The following MTA2 variants were observed in gnomAD, a reference collection of about 807,000 sequenced individuals.
MTA2 encodes metastasis associated 1 family member 2, also known as metastasis-associated protein MTA2.
A neutral mutation model predicts 87.1 loss-of-function variants in MTA2; 22 were observed. That is an observed-to-expected ratio of 0.25 (90% CI 0.18 to 0.36). The LOEUF is 0.36. MTA2 is among the 10% of genes least tolerant of loss of function. The pLI is 1.00. For synonymous variants in MTA2, 314 were observed against 310.1 expected, an observed-to-expected ratio of 1.01 and a Z score of -0.13; for missense variants, 542 against 853.2, an observed-to-expected ratio of 0.64 and a Z score of 4.54.
chr11:62,593,795 G>C lies in MTA2; in HGVS notation c.*80C>G, dbSNP rs552253808. On this transcript the variant is annotated 3_prime_UTR_variant, in exon 18 of 18. Coordinates refer to ENST00000278823, the MANE Select transcript of MTA2 (RefSeq NM_004739.4). ...CCTTAATTCACTCCTCACTCCCTTC[G>C]ACACGAAAGGGAAGGGAGGTTTGGG... The C allele has an allele frequency of 2.8e-5, 44 of 1,548,422 alleles. No homozygotes were observed. Among genetic ancestry groups the C allele is most frequent in the Admixed American group, 8.9e-5 (5 of 56,062 alleles).
chr11:62,594,920 G>T, intron 15 of MTA2, 61 bp downstream of exon 15: 1 of 1,428,096 alleles, frequency 7.0e-7, no homozygotes, highest in Non-Finnish European at 9.8e-7. Context: ...CAAGGGGAGA[G>T]ATGTCAGACA....
chr11:62,597,849 TC>T, intron 6 of MTA2, 137 bp from the exon 7 acceptor site: 1 of 1,008,850 alleles, frequency 9.9e-7, no homozygotes, highest in Non-Finnish European at 1.5e-6. Flanking sequence ...TCCCAACTGT[TC>T]CCATTTTCCC....
Position 62,594,544 on chromosome 11 carries a change from C to G in MTA2, c.1664G>C (p.Gly555Ala). 1 of 1,614,014 alleles carries G rather than the reference C, an allele frequency of 6.2e-7. No homozygotes were observed. The highest frequency in any genetic ancestry group is 8.5e-7 in the Non-Finnish European group (1 of 1,179,970). ...CTCATAGGCCCGTTTCACCATAATG[C>G]CCCCCAGTCCCCGGTTCTGGGACAG... is the stretch of plus-strand genomic sequence containing the variant. ...NQLSQNRGLG[G>A]IMVKRAYETM... is the part of the protein sequence containing the mutation. The change falls in exon 16 of 18, where the codon GGC (glycine) becomes GCC (alanine). Residue 555 changes from glycine (G) to alanine (A), a missense_variant. This residue lies in a region of MTA2 where 269 missense variants were observed against 346.4 expected (regional missense o/e 0.78). Coordinates refer to ENST00000278823, the MANE Select transcript of MTA2 (RefSeq NM_004739.4).
chr11:62,597,912 C>T, intron 6 of MTA2, 112 bp downstream of exon 6: 1 of 1,085,660 alleles, frequency 9.2e-7, no homozygotes, highest in Admixed American at 1.8e-5. Context: ...GAGAGCCCTG[C>T]AGACAGTGCA....
intron 8 of MTA2, among the ~76,000 whole-genome samples, 159 bp from the exon 9 acceptor site, chr11:62,596,984 T>A (rs1212042542): frequency 1.3e-5 from 2 of 151,920 alleles, no homozygotes; most frequent in Non-Finnish European, 2.9e-5. Flanking sequence ...GGTCAGGAGA[T>A]CGAGATCATC....
At chr11:62,597,853 A>AT in intron 6 of MTA2, 141 bp from the exon 7 acceptor site, 1 of 1,025,058 alleles carries the variant, frequency 9.8e-7, no homozygotes, top group Non-Finnish European at 1.5e-6. Context: ...AACTGTTCCC[A>AT]TTTTCCCTTT....
chr11:62,601,777 T>C lies in MTA2; in HGVS notation c.-327A>G, dbSNP rs954311948. 2 of 506,812 alleles carry C rather than the reference T, an allele frequency of 3.9e-6. No homozygotes were observed. The highest frequency in any genetic ancestry group is 4.1e-5 in the African/African-American group (2 of 49,096). 31.4% of individuals were successfully genotyped at this position (506,812 alleles called of 1,614,324 possible). On this transcript the variant is annotated 5_prime_UTR_variant, in exon 1 of 18. Coordinates refer to ENST00000278823, the MANE Select transcript of MTA2 (RefSeq NM_004739.4). ...CGGAGTCCCACTAGTCGTTGGGCTC[T>C]GCCGGCCGCAGGGAAGGCTTGCCGG...
At chr11:62,600,900 C>T (rs1183363768) in intron 1 of MTA2, 1 of 557,078 alleles carries the variant, frequency 1.8e-6, no homozygotes, top group Non-Finnish European at 3.2e-6. Context: ...AGATCCTTTA[C>T]TCAAAAGAGA....
chr11:62,600,143 A>C (rs2134327373), intron 3 of MTA2, 23 bp downstream of exon 3: 1 of 1,604,714 alleles, frequency 6.2e-7, no homozygotes, highest in East Asian at 2.2e-5. Flanking sequence ...GTAGGAGAAA[A>C]AGAAAGGGAG....
chr11:62,595,930 T>C lies in MTA2; in HGVS notation c.1115-39A>G. Reference sequence around the variant, plus strand: ...AGAGGAGGGGGACAGGGAAGAAGCATACTACCTAAGCCCCTCAGATTCTTG... The same window carrying C: ...AGAGGAGGGGGACAGGGAAGAAGCACACTACCTAAGCCCCTCAGATTCTTG... On this transcript the variant is annotated intron_variant, in intron 12 of 17. Transcript: ENST00000278823. The surrounding 1 kb of genome is among the most constrained non-coding windows in gnomAD (Gnocchi z 4.9). 6.2e-7 allele frequency: 1 copy of C among 1,614,014 alleles called. No individual in the cohort carries two copies. Among genetic ancestry groups the C allele is most frequent in the African/African-American group, 1.3e-5 (1 of 75,010 alleles).
At chr11:62,597,210 A>C (rs1474742254) in intron 8 of MTA2, 106 bp downstream of exon 8, 32 of 789,170 alleles carry the variant, frequency 4.1e-5, no homozygotes, top group East Asian at 1.4e-4. Context: ...AACAAACAAA[A>C]AAAAAACACT....
chr11:62,598,079 G>A lies in MTA2; in HGVS notation c.435C>T (p.Gly145=), dbSNP rs751886612. The A allele has an allele frequency of 2.1e-5, 34 of 1,613,830 alleles. No individual in the cohort carries two copies. In the South Asian group the frequency reaches 2.7e-4, roughly 13 times the overall value. The change falls in exon 6 of 18, where the codon GGC becomes GGT. Residue 145 remains glycine, a synonymous_variant. Coordinates refer to ENST00000278823, the MANE Select transcript of MTA2 (RefSeq NM_004739.4). ...PVQKTLLADQ[G]EIRVGCKYQA... is the part of the protein sequence containing the mutation. ...GGTATTTGCAACCAACTCTAATCTC[G>A]CCCTGATCAGCGAGAAGTGTCTTCT...
chr11:62,595,289 G>T lies in MTA2; in HGVS notation c.1458C>A (p.Ile486=). Residue 486 remains isoleucine (I), a synonymous_variant, in exon 14 of 18, where the codon ATC becomes ATA. Coordinates refer to ENST00000278823, the MANE Select transcript of MTA2 (RefSeq NM_004739.4). This position sits in a 1 kb window ranked among gnomAD's most constrained non-coding sequence, Gnocchi z 4.9. ...ACTCTGCTTTGATGGCATTGGCATT[G>T]ATAGGAGCATAAGGCCGTCGGGCGG... ...RRAARRPYAP[I]NANAIKAECS... 1.2e-6 allele frequency: 2 copies of T among 1,614,180 alleles called. No individual in the cohort carries two copies. The highest frequency in any genetic ancestry group is 1.7e-6 in the Non-Finnish European group (2 of 1,180,022).
intron 5 of MTA2, 73 bp downstream of exon 5, chr11:62,598,254 T>G: frequency 6.4e-7 from 1 of 1,570,140 alleles, no homozygotes; most frequent in Non-Finnish European, 8.8e-7. Flanking sequence ...ACCTCATCAT[T>G]GTGCTCCTTT....
In MTA2 at chr11:62,595,939, A is replaced by C; in HGVS notation, c.1115-48T>G. 1 of 1,614,020 alleles carries C rather than the reference A, an allele frequency of 6.2e-7. No individual in the cohort carries two copies. Among genetic ancestry groups the C allele is most frequent in the Non-Finnish European group, 8.5e-7 (1 of 1,179,978 alleles). On this transcript the variant is annotated intron_variant, in intron 12 of 17. Coordinates refer to ENST00000278823, the MANE Select transcript of MTA2 (RefSeq NM_004739.4). This position sits in a 1 kb window ranked among gnomAD's most constrained non-coding sequence, Gnocchi z 4.9. ...GGACAGGGAAGAAGCATACTACCTA[A>C]GCCCCTCAGATTCTTGAGCCACAGC...
At position 62,593,984 on chromosome 11, in the gene MTA2, T is replaced by C. The variant is rs747379658; in HGVS notation, c.1898A>G (p.Asn633Ser). 7.4e-6 allele frequency: 12 copies of C among 1,613,684 alleles called. No homozygotes were observed. The highest frequency in any genetic ancestry group is 1.7e-5 in the Admixed American group (1 of 59,958). Residue 633 changes from asparagine (N) to serine (S), a missense_variant, in exon 18 of 18, where the codon AAC (asparagine) becomes AGC (serine). Asn to Ser is a conservative substitution (Grantham distance 46, BLOSUM62 1). This residue lies in a region of MTA2 where 269 missense variants were observed against 346.4 expected (regional missense o/e 0.78). Coordinates refer to ENST00000278823, the MANE Select transcript of MTA2 (RefSeq NM_004739.4). ...CGTTGGCTTCACCTTCAGGGGCAAG[T>C]TGGGTCGGCGAGCAGCTCGCCGCAT... ...LEMRRAARRPNLPLKVKPTLI... is the reference protein window; with the variant it reads ...LEMRRAARRPSLPLKVKPTLI...
At chr11:62,600,448 G>A (rs1208192399) in intron 2 of MTA2, 174 bp downstream of exon 2, 4 of 798,492 alleles carry the variant, frequency 5.0e-6, no homozygotes, top group East Asian at 2.7e-5. Context: ...GCCCCCAAGA[G>A]ACAGAATAGT....
Position 62,600,150 on chromosome 11 carries a change from G to C in MTA2, c.190+16C>G. 1 of 1,607,906 alleles carries C rather than the reference G, an allele frequency of 6.2e-7. No individual in the cohort carries two copies. The highest frequency in any genetic ancestry group is 8.5e-7 in the Non-Finnish European group (1 of 1,174,554). On this transcript the variant is annotated intron_variant, in intron 3 of 17. Transcript: ENST00000278823. ...GATCATGGGTAGGAGAAAAAGAAAG[G>C]GAGGAAGATACTCACTGGCATTACT...
chr11:62,598,089 G>A lies in MTA2; in HGVS notation c.425C>T (p.Ala142Val). ...ACCAACTCTAATCTCGCCCTGATCA[G>A]CGAGAAGTGTCTTCTGCACGGGGTC... is the stretch of plus-strand genomic sequence containing the variant. ...VFDPVQKTLL[A>V]DQGEIRVGCK... The change falls in exon 6 of 18, where the codon GCT becomes GTT. Residue 142 changes from alanine to valine, a missense_variant. This residue lies in a region of MTA2 where 150 missense variants were observed against 243.9 expected (regional missense o/e 0.62). Coordinates refer to ENST00000278823, the MANE Select transcript of MTA2 (RefSeq NM_004739.4). The A allele has an allele frequency of 1.2e-6, 2 of 1,614,118 alleles. No individual in the cohort carries two copies. Among genetic ancestry groups the A allele is most frequent in the Non-Finnish European group, 1.7e-6 (2 of 1,180,036 alleles).
Sources: allele counts gnomAD v4.1 joint callset (sites outside exome capture counted in the v4.1 genomes callset), GRCh38; gene constraint gnomAD v4.1.1; regional missense constraint gnomAD v4.1.1; non-coding constraint Gnocchi (gnomAD v3.1); transcripts MANE v1.5; gene names NCBI Gene and HGNC (gene_info 2026-07-23, HGNC 2026-07-21).